IGF2BP2: variants seen among roughly 807,000 people sequenced by gnomAD.
The protein encoded by IGF2BP2 is insulin like growth factor 2 mRNA binding protein 2, also known as insulin-like growth factor 2 mRNA-binding protein 2.
IGF2BP2 carries 17 observed loss-of-function variants against 75.8 expected under a neutral mutation model. The observed-to-expected ratio is 0.22, with a 90% CI of 0.15 to 0.34. The LOEUF (loss-of-function observed/expected upper bound fraction) is 0.34, where lower values mean the gene tolerates loss of function less well. Among genes scored for constraint, IGF2BP2 ranks in the 10% least tolerant of loss-of-function variants. IGF2BP2 has a pLI of 1.00. For synonymous variants in IGF2BP2, 288 were observed against 295.6 expected (o/e 0.97, Z 0.26); for missense variants, 516 against 772.4 (o/e 0.67, Z 3.93).
At chr3:185,784,267 T>TAGACAGACAGACAGAC (rs59726249) in intron 2 of IGF2BP2, among the ~76,000 whole-genome samples, 4,812 of 151,704 alleles carry the variant, frequency 0.032, 221 homozygotes, top group African/African-American at 0.1. Context: ...GATAGATAGA[T>TAGACAGACAGACAGAC]AGACAGACAG....
intron 6 of IGF2BP2, among the ~76,000 whole-genome samples, chr3:185,688,150 T>C (rs529232367): frequency 2.6e-4 from 39 of 152,262 alleles, no homozygotes; most frequent in East Asian, 5.8e-4. Context: ...CTGAAGAAAA[T>C]AGCATTTCTC....
intron 7 of IGF2BP2, among the ~76,000 whole-genome samples, chr3:185,678,496 G>A (rs1719884723): frequency 6.6e-6 from 1 of 152,174 alleles, no homozygotes; most frequent in Non-Finnish European, 1.5e-5. Flanking sequence ...ATTCCATTGT[G>A]ATCAGAAAAG....
intron 2 of IGF2BP2, among the ~76,000 whole-genome samples, chr3:185,807,663 C>A (rs1739201612): frequency 6.6e-6 from 1 of 152,178 alleles, no homozygotes; most frequent in African/African-American, 2.4e-5. Flanking sequence ...GGCTGGACTT[C>A]ATGTCTCATG....
At chr3:185,803,412 T>C (rs1000783337) in intron 2 of IGF2BP2, among the ~76,000 whole-genome samples, 3 of 152,252 alleles carry the variant, frequency 2.0e-5, no homozygotes, top group African/African-American at 7.2e-5. Flanking sequence ...GGATTCTTCC[T>C]GGTAAATATT....
At position 185,733,638 on chromosome 3, in the gene IGF2BP2, C is replaced by T. The variant is rs558817871; in HGVS notation, c.240-35291G>A. On this transcript the variant is annotated intron_variant, in intron 2 of 15. Transcript: ENST00000382199. ...GGGTGTGGTGGCGCATGCCTGTAATCCCAGCTACTCAGGAGGGTGAGGAAG... is the reference window on the plus strand; with the variant it reads ...GGGTGTGGTGGCGCATGCCTGTAATTCCAGCTACTCAGGAGGGTGAGGAAG... 5.1e-4 allele frequency among the ~76,000 whole-genome samples: 77 copies of T among 152,224 alleles called. No homozygotes were observed. The East Asian group carries it at 0.013, about 26-fold the overall frequency.
chr3:185,811,832 C>CTG (rs1254629102), intron 2 of IGF2BP2, among the ~76,000 whole-genome samples: 7 of 34,728 alleles, frequency 2.0e-4, no homozygotes, highest in East Asian at 5.4e-3. Flanking sequence ...AGTAGGGTGT[C>CTG]TCTCTCTCTC....
chr3:185,775,717 A>C (rs1253020109), intron 2 of IGF2BP2, among the ~76,000 whole-genome samples: 1 of 152,226 alleles, frequency 6.6e-6, no homozygotes, highest in Non-Finnish European at 1.5e-5. Flanking sequence ...AATGGAGATC[A>C]CTGACTGTAG....
chr3:185,788,462 G>C (rs1406567915), intron 2 of IGF2BP2, among the ~76,000 whole-genome samples: 1 of 152,134 alleles, frequency 6.6e-6, no homozygotes, highest in East Asian at 1.9e-4. Context: ...AGAGAGCTAT[G>C]ATTGCGCCAC....
intron 2 of IGF2BP2, chr3:185,716,562 T>G (rs1293053773): frequency 1.9e-6 from 1 of 520,054 alleles, no homozygotes; most frequent in African/African-American, 1.9e-5. Flanking sequence ...ACTGCTGGGC[T>G]GGCCACCAGA....
intron 2 of IGF2BP2, among the ~76,000 whole-genome samples, chr3:185,759,195 C>A (rs937984844): frequency 6.6e-6 from 1 of 152,176 alleles, no homozygotes; most frequent in African/African-American, 2.4e-5. Context: ...TCTTCACAAT[C>A]AGAGAAGGAA....
chr3:185,689,196 ATGT>A (rs1721564959), intron 6 of IGF2BP2, 156 bp downstream of exon 6: 1 of 703,956 alleles, frequency 1.4e-6, no homozygotes, highest in East Asian at 2.8e-5. Flanking sequence ...CCCCAGCTTG[ATGT>A]TAGTCTGTTA....
chr3:185,744,241 T>C (rs1729943803), intron 2 of IGF2BP2, among the ~76,000 whole-genome samples: 1 of 152,240 alleles, frequency 6.6e-6, no homozygotes, highest in African/African-American at 2.4e-5. Flanking sequence ...TTCAATAAAA[T>C]TTTTATTGTT....
intron 9 of IGF2BP2, 132 bp downstream of exon 9, chr3:185,675,164 A>C (rs1719136173): frequency 1.2e-6 from 1 of 834,176 alleles, no homozygotes. Flanking sequence ...TTTCCTGATT[A>C]TTTTAATGCT....
At chr3:185,792,441 C>T (rs1263835938) in intron 2 of IGF2BP2, among the ~76,000 whole-genome samples, 1 of 151,874 alleles carries the variant, frequency 6.6e-6, no homozygotes, top group Non-Finnish European at 1.5e-5. Context: ...CCCGTCTCTA[C>T]TAAGAATACA....
intron 2 of IGF2BP2, among the ~76,000 whole-genome samples, chr3:185,763,068 T>G (rs561013927): frequency 5.3e-4 from 81 of 152,310 alleles, no homozygotes; most frequent in Non-Finnish European, 9.7e-4. Flanking sequence ...GTTTTGTTTT[T>G]AACAACAAAA....
chr3:185,690,394 A>C (rs1365049190), intron 5 of IGF2BP2, among the ~76,000 whole-genome samples: 1 of 152,232 alleles, frequency 6.6e-6, no homozygotes, highest in East Asian at 1.9e-4. Context: ...AATATTGTAC[A>C]TACTATGTTC....
At chr3:185,675,081 C>A in intron 9 of IGF2BP2, 1 of 259,278 alleles carries the variant, frequency 3.9e-6, no homozygotes, top group Non-Finnish European at 6.8e-6. Flanking sequence ...TTCCTTATTT[C>A]AGTCTTCAAA....
intron 2 of IGF2BP2, among the ~76,000 whole-genome samples, chr3:185,718,602 T>G (rs1400550372): frequency 6.7e-6 from 1 of 148,190 alleles, no homozygotes; most frequent in East Asian, 2.0e-4. Context: ...GGAGAATCGC[T>G]TGAACCCAGG....
chr3:185,691,912 G>GT (rs1412969426), intron 5 of IGF2BP2, among the ~76,000 whole-genome samples: 10 of 151,968 alleles, frequency 6.6e-5, no homozygotes, highest in Non-Finnish European at 1.2e-4. Context: ...TTTTTAAATT[G>GT]TTTTTTTGTA....
Sources: allele counts gnomAD v4.1 joint callset (sites outside exome capture counted in the v4.1 genomes callset), GRCh38; gene constraint gnomAD v4.1.1; transcripts MANE v1.5; gene names NCBI Gene and HGNC (gene_info 2026-07-23, HGNC 2026-07-21).